TAF4B: variants seen among roughly 807,000 people sequenced by gnomAD.
The protein encoded by TAF4B is TATA-box binding protein associated factor 4b, also known as transcription initiation factor TFIID subunit 4B.
TAF4B carries 38 observed loss-of-function variants against 86.4 expected under a neutral mutation model. That is an observed-to-expected ratio of 0.44 (90% CI 0.34 to 0.58). The LOEUF (loss-of-function observed/expected upper bound fraction) is 0.58. Ranked by LOEUF, TAF4B falls within the 20% of genes least tolerant of loss-of-function variation. The pLI is 0.02. For missense variants in TAF4B, 988 were observed against 1,027.6 expected (o/e 0.96, Z 0.53); for synonymous variants, 388 against 391.2 (o/e 0.99, Z 0.10).
intron 1 of TAF4B, 26 bp downstream of exon 1, chr18:26,227,302 T>C: frequency 6.3e-7 from 1 of 1,595,846 alleles, no homozygotes; most frequent in East Asian, 2.3e-5. Flanking sequence ...TTTCCAGCCT[T>C]GTCTGTCGGT....
intron 1 of TAF4B, among the ~76,000 whole-genome samples, chr18:26,245,464 G>T (rs540801872): frequency 6.6e-6 from 1 of 152,208 alleles, no homozygotes; most frequent in African/African-American, 2.4e-5. Flanking sequence ...TGCTGGCTGG[G>T]GTGGCCAGCT....
intron 1 of TAF4B, among the ~76,000 whole-genome samples, chr18:26,240,227 A>G (rs966771879): frequency 1.3e-5 from 2 of 152,182 alleles, no homozygotes; most frequent in Non-Finnish European, 2.9e-5. Flanking sequence ...TGAGCATGGA[A>G]TGTTCTTCCA....
chr18:26,315,146 GTC>G lies in TAF4B; in HGVS notation c.1833-68_1833-67del, dbSNP rs1212422063. ...TCTCTCTCTCTCTCTCTCTCTCTCT[GTC>G]TCTCTCTCTCTCTCACACACACACA... On this transcript the variant is annotated intron_variant, in intron 9 of 14. Transcript: ENST00000269142. 2.3e-4 allele frequency: 35 copies of G among 152,002 alleles called. 1 individual carries two copies. Among genetic ancestry groups the G allele is most frequent in the Admixed American group, 1.6e-3 (13 of 8,276 alleles). The allele number at this position is 152,002 out of a possible 1,614,324, so 9.4% of individuals were successfully genotyped here.
chr18:26,260,309 T>G (rs1468554182), intron 1 of TAF4B, among the ~76,000 whole-genome samples: 83 of 152,264 alleles, frequency 5.5e-4, no homozygotes, highest in African/African-American at 1.6e-3. Flanking sequence ...GTCAATTTTG[T>G]CTTTTGTTGC....
chr18:26,386,248 C>G (rs1978359414), intron 14 of TAF4B, among the ~76,000 whole-genome samples: 1 of 152,088 alleles, frequency 6.6e-6, no homozygotes, highest in African/African-American at 2.4e-5. Flanking sequence ...ATCCTTCAGG[C>G]TTGTCACATG....
At chr18:26,249,170 CA>C (rs796850643) in intron 1 of TAF4B, among the ~76,000 whole-genome samples, 34,905 of 112,714 alleles carry the variant, frequency 0.31, 4,521 homozygotes, top group African/African-American at 0.42. Context: ...GACTCCATAT[CA>C]AAAAAAAAAA....
Position 26,345,690 on chromosome 18 carries a change from ACCT to A in TAF4B, c.2316+10465_2316+10467del, listed in dbSNP as rs573279417. Among the ~76,000 whole-genome samples, 230 of 152,272 alleles carry A rather than the reference ACCT, an allele frequency of 1.5e-3. 1 individual carries two copies. Among genetic ancestry groups the A allele is most frequent in the Non-Finnish European group, 2.6e-3 (174 of 68,024 alleles). ...ATATGAGTAAATTTTTCTCTGTGAA[ACCT>A]CCTCCATAAAATTGGAAGAGGCGAC... On this transcript the variant is annotated intron_variant, in intron 13 of 14. Coordinates refer to ENST00000269142, the MANE Select transcript of TAF4B (RefSeq NM_005640.3).
chr18:26,310,760 T>C (rs1011826292), intron 9 of TAF4B, among the ~76,000 whole-genome samples: 2 of 152,194 alleles, frequency 1.3e-5, no homozygotes, highest in Admixed American at 1.3e-4. Context: ...ATCCCCCCTA[T>C]TACCCAGGTT....
At position 26,303,061 on chromosome 18, in the gene TAF4B, C is replaced by A. The variant is rs529689148; in HGVS notation, c.1832+9530C>A. The stretch of plus-strand genomic sequence containing the variant: ...CCTTTTCTTCCTCCACTTTCATACC[C>A]GCTCCACTTTCATACCCCCTCCACT... On this transcript the variant is annotated intron_variant, in intron 9 of 14. Coordinates refer to ENST00000269142, the MANE Select transcript of TAF4B (RefSeq NM_005640.3). Among the ~76,000 whole-genome samples, 2 of 110,070 alleles carry A rather than the reference C, an allele frequency of 1.8e-5. 1 individual carries two copies. The highest frequency in any genetic ancestry group is 8.0e-4 in the South Asian group (2 of 2,494). 72.2% of individuals were successfully genotyped at this position (110,070 alleles called of 152,430 possible).
intron 13 of TAF4B, among the ~76,000 whole-genome samples, chr18:26,352,897 A>G (rs1567917824): frequency 6.6e-6 from 1 of 152,176 alleles, no homozygotes; most frequent in African/African-American, 2.4e-5. Flanking sequence ...TCTAATCTTT[A>G]TTTTTTTAGT....
intron 14 of TAF4B, among the ~76,000 whole-genome samples, chr18:26,383,268 C>T (rs1297315206): frequency 6.6e-6 from 1 of 152,096 alleles, no homozygotes; most frequent in African/African-American, 2.4e-5. Flanking sequence ...CTTCTCACTG[C>T]AGTGTAAGCA....
At chr18:26,362,363 TTTAATAGTATTTTATCAG>T (rs1480270898) in intron 14 of TAF4B, among the ~76,000 whole-genome samples, 1 of 152,230 alleles carries the variant, frequency 6.6e-6, no homozygotes, top group Non-Finnish European at 1.5e-5. Flanking sequence ...GATTTTGGCT[TTTAATAGTATTTTATCAG>T]TAGCATTAAT....
intron 13 of TAF4B, among the ~76,000 whole-genome samples, chr18:26,344,357 A>AT (rs199760424): frequency 0.024 from 3,521 of 147,748 alleles, 107 homozygotes; most frequent in African/African-American, 0.07. Flanking sequence ...TAGAAAAACT[A>AT]TTTTTTTTTT....
At position 26,390,130 on chromosome 18, in the gene TAF4B, G is replaced by T; in HGVS notation, c.*118G>T. ...ATAATCACCAACATGAAAGAGCATT[G>T]TTTACAGTTAGAAACTTTATTAACT... On this transcript the variant is annotated 3_prime_UTR_variant, in exon 15 of 15. Coordinates refer to ENST00000269142, the MANE Select transcript of TAF4B (RefSeq NM_005640.3). 1 of 1,098,280 alleles carries T rather than the reference G, an allele frequency of 9.1e-7. No individual in the cohort carries two copies. The highest frequency in any genetic ancestry group is 1.3e-6 in the Non-Finnish European group (1 of 774,734). 68.0% of individuals were successfully genotyped at this position (1,098,280 alleles called of 1,614,324 possible).
chr18:26,265,172 A>G lies in TAF4B; in HGVS notation c.346A>G (p.Thr116Ala). The G allele has an allele frequency of 3.7e-6, 6 of 1,609,604 alleles. No individual in the cohort carries two copies. Among genetic ancestry groups the G allele is most frequent in the Non-Finnish European group, 5.1e-6 (6 of 1,179,040 alleles). ...TTTTTTTTCTTTTTTAAATATAGGAACCGTTTTGATTAAAAGTAACAGTGG... is the reference window on the plus strand; with the variant it reads ...TTTTTTTTCTTTTTTAAATATAGGAGCCGTTTTGATTAAAAGTAACAGTGG... ...FPANLQLPPG[T>A]VLIKSNSGPL... The change falls in exon 2 of 15, where the codon ACC (threonine) becomes GCC (alanine). Residue 116 changes from threonine to alanine, a missense_variant and splice_region_variant. By Grantham distance (58) the Thr-to-Ala change is moderately conservative. Transcript: ENST00000269142.
chr18:26,387,331 T>C (rs1398963798), intron 14 of TAF4B, among the ~76,000 whole-genome samples: 1 of 152,158 alleles, frequency 6.6e-6, no homozygotes, highest in Admixed American at 6.5e-5. Flanking sequence ...GGCCTAAATA[T>C]GTTGTAGTTT....
rs188410890 is a variant in TAF4B, at chr18:26,361,475, A to G, written c.2421+3681A>G. On this transcript the variant is annotated intron_variant, in intron 14 of 14. Transcript: ENST00000269142. ...ATTATGGAAAAACTGGCCAGGCATG[A>G]TGGCTCACACCTGTAATCCCAGCAC... Among the ~76,000 whole-genome samples the G allele has an allele frequency of 1.1e-3, 162 of 151,572 alleles. 2 individuals are homozygous for G. The highest frequency in any genetic ancestry group is 0.01 in the Admixed American group (160 of 15,252).
chr18:26,244,814 AG>A (rs902273876), intron 1 of TAF4B, among the ~76,000 whole-genome samples: 1 of 152,200 alleles, frequency 6.6e-6, no homozygotes, highest in African/African-American at 2.4e-5. Flanking sequence ...GAGAGGTGGG[AG>A]GAAGTTTGTC....
At chr18:26,247,244 G>C (rs1238871350) in intron 1 of TAF4B, among the ~76,000 whole-genome samples, 1 of 152,180 alleles carries the variant, frequency 6.6e-6, no homozygotes, top group Non-Finnish European at 1.5e-5. Flanking sequence ...GGGTTAAATA[G>C]AATAAGTATA....
Sources: gnomAD v4.1 joint callset for allele counts (sites outside exome capture counted in the v4.1 genomes callset) on GRCh38, gnomAD v4.1.1 for gene constraint, MANE v1.5 for transcripts, NCBI Gene and HGNC (gene_info 2026-07-23, HGNC 2026-07-21) for gene names.